The following PCDHA2 variants were observed in gnomAD, a reference collection of about 807,000 sequenced individuals.
PCDHA2 encodes protocadherin alpha-2.
Under a neutral mutation model 66.0 loss-of-function variants are expected in PCDHA2, and 58 were observed. The ratio of observed to expected loss-of-function variants is 0.88; its 90% CI spans 0.71 to 1.09. The LOEUF (loss-of-function observed/expected upper bound fraction) is 1.09, where lower values mean the gene tolerates loss of function less well. Ranked by LOEUF, PCDHA2 falls within the 50% of genes least tolerant of loss-of-function variation. The probability of loss-of-function intolerance (pLI) is 0.00; values close to 1 mark genes in which losing one functional copy is unlikely to be tolerated. For missense variants in PCDHA2, 1,267 were observed against 1,242.3 expected (o/e 1.02, Z -0.30); for synonymous variants, 634 against 554.0 (o/e 1.14, Z -2.03).
intron 1 of PCDHA2, among the ~76,000 whole-genome samples, chr5:140,958,710 A>G (rs1446140877): frequency 1.3e-5 from 2 of 152,210 alleles, no homozygotes; most frequent in Non-Finnish European, 2.9e-5. Flanking sequence ...CAACTCTGTT[A>G]TAATAAATGT....
intron 1 of PCDHA2, among the ~76,000 whole-genome samples, chr5:140,924,901 A>AAAT (rs1554202313): frequency 5.5e-4 from 44 of 80,500 alleles, no homozygotes; most frequent in Non-Finnish European, 9.1e-4. Flanking sequence ...TCTCAAAAAA[A>AAAT]AAAATAAAAT....
intron 1 of PCDHA2, chr5:140,856,071 TG>T: frequency 6.3e-7 from 1 of 1,591,920 alleles, no homozygotes; most frequent in East Asian, 2.2e-5. Flanking sequence ...TGTAGCTGCC[TG>T]GGGGTCCAGT....
intron 3 of PCDHA2, among the ~76,000 whole-genome samples, chr5:140,984,073 G>A (rs1294401230): frequency 4.6e-5 from 7 of 152,222 alleles, no homozygotes; most frequent in Non-Finnish European, 7.3e-5. Context: ...CAGTGCCAAC[G>A]ATGGAGTGAA....
intron 1 of PCDHA2, among the ~76,000 whole-genome samples, chr5:140,900,826 A>G (rs1554189460): frequency 2.0e-5 from 3 of 152,224 alleles, no homozygotes. Flanking sequence ...CATTCCCACC[A>G]ACAATGTACA....
chr5:140,938,406 T>A (rs1283027205), intron 1 of PCDHA2, among the ~76,000 whole-genome samples: 1 of 152,240 alleles, frequency 6.6e-6, no homozygotes, highest in African/African-American at 2.4e-5. Context: ...ATTGTTTGAT[T>A]GGGTTTATTT....
intron 3 of PCDHA2, among the ~76,000 whole-genome samples, chr5:140,997,083 A>C (rs1267571178): frequency 2.6e-5 from 4 of 152,174 alleles, no homozygotes; most frequent in Non-Finnish European, 5.9e-5. Flanking sequence ...AGTTGAGTAG[A>C]AAGTGCAGAG....
At chr5:140,867,147 C>G (rs1554160998) in intron 1 of PCDHA2, 1 of 152,068 alleles carries the variant, frequency 6.6e-6, no homozygotes, top group Non-Finnish European at 1.5e-5. Flanking sequence ...TATCATTTTT[C>G]CAGAGTAAAC....
chr5:140,799,492 C>T (rs762843253), intron 1 of PCDHA2, among the ~76,000 whole-genome samples: 1 of 152,002 alleles, frequency 6.6e-6, no homozygotes, highest in Admixed American at 6.5e-5. Flanking sequence ...TAGGTCCATG[C>T]TTTTCAGAAA....
intron 1 of PCDHA2, among the ~76,000 whole-genome samples, chr5:140,912,343 AT>A (rs35252606): frequency 0.42 from 59,775 of 143,548 alleles, 12,483 homozygotes; most frequent in African/African-American, 0.57. Context: ...TACACTAAGT[AT>A]TTTTTTTTTT....
intron 1 of PCDHA2, chr5:140,850,399 G>C: frequency 6.3e-7 from 1 of 1,597,978 alleles, no homozygotes; most frequent in Non-Finnish European, 8.6e-7. Flanking sequence ...AGCACAACGC[G>C]TGCCCTGGAC....
chr5:140,869,766 G>T, intron 1 of PCDHA2: 1 of 1,613,210 alleles, frequency 6.2e-7, no homozygotes, highest in Non-Finnish European at 8.5e-7. Context: ...GAAAACCAGA[G>T]CTTACTGGCA....
chr5:140,986,358 A>C (rs1440671712), intron 3 of PCDHA2, among the ~76,000 whole-genome samples: 1 of 152,116 alleles, frequency 6.6e-6, no homozygotes, highest in African/African-American at 2.4e-5. Context: ...CTTCAGATGG[A>C]GGAATGCGTT....
chr5:140,828,231 G>C (rs1554131117), intron 1 of PCDHA2: 7 of 1,613,882 alleles, frequency 4.3e-6, no homozygotes, highest in Non-Finnish European at 5.9e-6. Context: ...TTCGTGGGCC[G>C]GATCGCGCAG....
In PCDHA2 at chr5:140,968,269, T is replaced by C. The variant is rs558051125; in HGVS notation, c.2389-10680T>C. On this transcript the variant is annotated intron_variant, in intron 1 of 3. Coordinates refer to ENST00000526136, the MANE Select transcript of PCDHA2 (RefSeq NM_018905.3). ...CCACAGACCCAGATGAAAAGGAGAATGCAGAGGTGACCTACTCCCTTCTGG... is the reference window on the plus strand; with the variant it reads ...CCACAGACCCAGATGAAAAGGAGAACGCAGAGGTGACCTACTCCCTTCTGG... 6.9e-5 allele frequency: 112 copies of C among 1,614,074 alleles called. 2 individuals carry two copies. In the South Asian group the frequency reaches 1.1e-3, roughly 16 times the overall value.
At chr5:140,870,392 GT>G in intron 1 of PCDHA2, 1 of 1,614,254 alleles carries the variant, frequency 6.2e-7, no homozygotes, top group Middle Eastern at 1.6e-4. Flanking sequence ...CGGGATGGGG[GT>G]TCGCCTTCTC....
At chr5:140,991,792 T>A (rs541458701) in intron 3 of PCDHA2, among the ~76,000 whole-genome samples, 4 of 152,282 alleles carry the variant, frequency 2.6e-5, no homozygotes, top group Non-Finnish European at 5.9e-5. Context: ...CATTTCCCAA[T>A]CTCAAGGCCA....
intron 1 of PCDHA2, chr5:140,858,284 T>C: frequency 6.3e-7 from 1 of 1,596,754 alleles, no homozygotes; most frequent in South Asian, 1.1e-5. Flanking sequence ...GGTGGGGAGC[T>C]GGTCTTACTC....
At chr5:140,835,461 C>A in intron 1 of PCDHA2, 1 of 1,613,936 alleles carries the variant, frequency 6.2e-7, no homozygotes, top group Non-Finnish European at 8.5e-7. Flanking sequence ...TCTCCCTATT[C>A]CAGAGGACGC....
intron 2 of PCDHA2, among the ~76,000 whole-genome samples, chr5:140,981,156 T>C (rs747008016): frequency 2.9e-4 from 44 of 152,360 alleles, no homozygotes; most frequent in Admixed American, 6.5e-4. Context: ...ATTGAACTTA[T>C]ATGTTGCCTT....
Sources: gnomAD v4.1 joint callset for allele counts (sites outside exome capture counted in the v4.1 genomes callset) on GRCh38, gnomAD v4.1.1 for gene constraint, MANE v1.5 for transcripts, NCBI Gene and HGNC (gene_info 2026-07-23, HGNC 2026-07-21) for gene names.